PRDM16: variants seen among roughly 807,000 people sequenced by gnomAD.
PRDM16 encodes PR/SET domain 16, also known as histone-lysine N-methyltransferase PRDM16.
PRDM16 carries 23 observed loss-of-function variants against 110.6 expected under a neutral mutation model. That is an observed-to-expected ratio of 0.21 (90% CI 0.15 to 0.29). The LOEUF (loss-of-function observed/expected upper bound fraction) is 0.29, where lower values mean the gene tolerates loss of function less well. PRDM16 is among the 10% of genes least tolerant of loss of function. PRDM16 has a pLI of 1.00. For missense variants in PRDM16, 1,615 were observed against 1,794.3 expected, an observed-to-expected ratio of 0.90 and a Z score of 1.81; for synonymous variants, 799 against 781.8, an observed-to-expected ratio of 1.02 and a Z score of -0.37.
intron 3 of PRDM16, among the ~76,000 whole-genome samples, chr1:3,263,915 T>C (rs761943085): frequency 1.3e-5 from 2 of 152,280 alleles, no homozygotes; most frequent in Non-Finnish European, 2.9e-5. Flanking sequence ...TCGACGCCTC[T>C]TGGAGCCTCC....
At chr1:3,227,348 G>A (rs949980248) in intron 2 of PRDM16, among the ~76,000 whole-genome samples, 18 of 152,408 alleles carry the variant, frequency 1.2e-4, no homozygotes, top group Non-Finnish European at 2.1e-4. Flanking sequence ...AGGAACCAGA[G>A]TCCTGCATCC....
intron 1 of PRDM16, among the ~76,000 whole-genome samples, chr1:3,091,511 G>A (rs1333523590): frequency 2.6e-5 from 4 of 152,220 alleles, no homozygotes; most frequent in East Asian, 1.9e-4. Context: ...TCCTCGTGCC[G>A]GCTCCTCTCC....
At chr1:3,398,588 T>G (rs949576477) in intron 5 of PRDM16, among the ~76,000 whole-genome samples, 5 of 152,232 alleles carry the variant, frequency 3.3e-5, no homozygotes, top group African/African-American at 1.2e-4. Context: ...TCTGGTAGAT[T>G]AGTACGTAGA....
intron 8 of PRDM16, among the ~76,000 whole-genome samples, chr1:3,407,939 C>T (rs975076942): frequency 2.0e-5 from 3 of 152,244 alleles, no homozygotes; most frequent in African/African-American, 7.2e-5. Flanking sequence ...CAGATGTGGG[C>T]AGATCGGGTT....
Position 3,230,880 on chromosome 1 carries a change from G to A in PRDM16, c.388-13207G>A, listed in dbSNP as rs75243707. Among the ~76,000 whole-genome samples, 483 of 152,312 alleles carry A rather than the reference G, an allele frequency of 3.2e-3. 20 individuals carry two copies. The East Asian group carries it at 0.086, about 27-fold the overall frequency. On this transcript the variant is annotated intron_variant, in intron 2 of 16. Transcript: ENST00000270722. ...CTCTGCTTGGGGTTTTGCCTTGGCCGTTTGGTGTTGGGAGCAGGTGTGAGC... is the reference window on the plus strand; with the variant it reads ...CTCTGCTTGGGGTTTTGCCTTGGCCATTTGGTGTTGGGAGCAGGTGTGAGC...
chr1:3,282,359 C>T (rs1214629938), intron 3 of PRDM16, among the ~76,000 whole-genome samples: 1 of 152,196 alleles, frequency 6.6e-6, no homozygotes, highest in Non-Finnish European at 1.5e-5. Flanking sequence ...CCTTGCTTGG[C>T]CCCCACAGGT....
At chr1:3,275,103 G>A (rs1045478187) in intron 3 of PRDM16, among the ~76,000 whole-genome samples, 3 of 152,250 alleles carry the variant, frequency 2.0e-5, no homozygotes, top group Non-Finnish European at 4.4e-5. Flanking sequence ...GGACGCTTAG[G>A]TGAAATGTGC....
chr1:3,330,796 G>A (rs1642026663), intron 3 of PRDM16, among the ~76,000 whole-genome samples: 1 of 152,214 alleles, frequency 6.6e-6, no homozygotes, highest in Non-Finnish European at 1.5e-5. Flanking sequence ...AGAAACCTTG[G>A]ATCTCTGGCC....
At chr1:3,139,913 G>C (rs558023393) in intron 1 of PRDM16, among the ~76,000 whole-genome samples, 3 of 152,340 alleles carry the variant, frequency 2.0e-5, no homozygotes, top group South Asian at 4.1e-4. Flanking sequence ...GGCTCTGGCT[G>C]GGGGCCATGT....
Position 3,396,602 on chromosome 1 carries a change from C to G in PRDM16, c.676+9C>G. The G allele has an allele frequency of 6.8e-7, 1 of 1,476,988 alleles. No homozygotes were observed. The allele number at this position is 1,476,988 out of a possible 1,614,324, so 91.5% of individuals were successfully genotyped here. ...GCCGCCCGGCCTGGACGGTAAGACC[C>G]CTCCCCCAAACCGGGCCACGGCCCC... On this transcript the variant is annotated intron_variant, in intron 5 of 16. Transcript: ENST00000270722.
intron 3 of PRDM16, among the ~76,000 whole-genome samples, chr1:3,264,384 G>A (rs1048634645): frequency 9.3e-5 from 14 of 149,896 alleles, no homozygotes; most frequent in Admixed American, 9.3e-4. Flanking sequence ...GGGCCAGGAG[G>A]GGAGGAAAGG....
intron 3 of PRDM16, among the ~76,000 whole-genome samples, chr1:3,279,186 G>A (rs1640655629): frequency 6.6e-6 from 1 of 152,210 alleles, no homozygotes; most frequent in African/African-American, 2.4e-5. Context: ...CGCTCACCAT[G>A]CCTGGAAAGA....
chr1:3,184,292 T>C (rs1438283447), intron 1 of PRDM16, among the ~76,000 whole-genome samples: 1 of 152,216 alleles, frequency 6.6e-6, no homozygotes, highest in Non-Finnish European at 1.5e-5. Context: ...CTTGTGCTGA[T>C]CTGTTTGCAA....
At chr1:3,283,506 G>A (rs1205282774) in intron 3 of PRDM16, among the ~76,000 whole-genome samples, 3 of 152,186 alleles carry the variant, frequency 2.0e-5, no homozygotes, top group East Asian at 1.9e-4. Flanking sequence ...CCCACACTGC[G>A]CGGTGCCCCT....
At chr1:3,274,691 A>G (rs984527877) in intron 3 of PRDM16, among the ~76,000 whole-genome samples, 1 of 152,198 alleles carries the variant, frequency 6.6e-6, no homozygotes, top group Non-Finnish European at 1.5e-5. Context: ...CGTGATTATT[A>G]CAGACTCTGT....
At chr1:3,192,320 C>T (rs1165018155) in intron 2 of PRDM16, among the ~76,000 whole-genome samples, 1 of 152,146 alleles carries the variant, frequency 6.6e-6, no homozygotes, top group Non-Finnish European at 1.5e-5. Flanking sequence ...CCTTGCTTCT[C>T]TGGGAGTTCC....
At chr1:3,412,912 G>A (rs1232349402) in intron 9 of PRDM16, 112 bp downstream of exon 9, 2 of 909,280 alleles carry the variant, frequency 2.2e-6, no homozygotes, top group Admixed American at 3.7e-5. Context: ...TCGTCCCCCG[G>A]CCTTTGCTGA....
At chr1:3,229,357 G>A (rs887195279) in intron 2 of PRDM16, among the ~76,000 whole-genome samples, 10 of 152,216 alleles carry the variant, frequency 6.6e-5, no homozygotes, top group African/African-American at 1.4e-4. Context: ...CAGGTGCCCC[G>A]GGGGCCCCTC....
chr1:3,386,141 C>CCCGGGG (rs1488137934), intron 4 of PRDM16, among the ~76,000 whole-genome samples: 1 of 146,788 alleles, frequency 6.8e-6, no homozygotes, highest in East Asian at 2.2e-4. Context: ...CCGTGCGTTC[C>CCCGGGG]TCGGGGTGCC....
Sources: allele counts gnomAD v4.1 joint callset (sites outside exome capture counted in the v4.1 genomes callset), GRCh38; gene constraint gnomAD v4.1.1; transcripts MANE v1.5; gene names NCBI Gene and HGNC (gene_info 2026-07-23, HGNC 2026-07-21).